Variants in MAPK8IP1 observed in about 807,000 individuals in gnomAD.
MAPK8IP1 encodes the protein mitogen-activated protein kinase 8 interacting protein 1, also known as C-Jun-amino-terminal kinase-interacting protein 1.
MAPK8IP1 carries 17 observed loss-of-function variants against 72.6 expected under a neutral mutation model. That is an observed-to-expected ratio of 0.23 (90% CI 0.16 to 0.35). MAPK8IP1 has a LOEUF of 0.35. MAPK8IP1 is among the 10% of genes least tolerant of loss of function. MAPK8IP1 has a pLI of 1.00. For missense variants in MAPK8IP1, 789 were observed against 1,009.7 expected (o/e 0.78, Z 2.96); for synonymous variants, 401 against 443.4 (o/e 0.90, Z 1.20).
At chr11:45,898,318 T>C (rs911075429) in intron 2 of MAPK8IP1, 128 bp downstream of exon 2, 1 of 667,800 alleles carries the variant, frequency 1.5e-6, no homozygotes, top group African/African-American at 1.8e-5. Flanking sequence ...TGAAATGATG[T>C]GCAAGAAACA....
At chr11:45,894,628 C>A (rs1488887988) in intron 1 of MAPK8IP1, among the ~76,000 whole-genome samples, 1 of 152,172 alleles carries the variant, frequency 6.6e-6, no homozygotes, top group African/African-American at 2.4e-5. Flanking sequence ...AGGCCCTGCT[C>A]CAGCCTGCAG....
rs763491376 is a variant in MAPK8IP1 at position 45,902,671 on chromosome 11, C to A, written c.904C>A (p.Pro302Thr). The A allele has an allele frequency of 1.2e-6, 2 of 1,612,148 alleles. No individual in the cohort carries two copies. Among genetic ancestry groups the A allele is most frequent in the Admixed American group, 1.7e-5 (1 of 60,010 alleles). ...AAEPTSAFLP[P>T]TESRMSVSSD... ...AGAGCCCACCTCCGCCTTCCTGCCG[C>A]CCACTGAGAGCCGGATGTCAGTCAG... is the stretch of plus-strand genomic sequence containing the variant. The change falls in exon 5 of 12, where the codon CCC becomes ACC. Residue 302 changes from proline (P) to threonine (T), a missense_variant. Physicochemically the swap from Pro to Thr is conservative, Grantham distance 38. Around this residue, in one of 4 missense-constraint regions of MAPK8IP1, gnomAD observed 377 missense variants for 411.7 expected, o/e 0.92. Transcript: ENST00000241014. This position sits in a 1 kb window ranked among gnomAD's most constrained non-coding sequence, Gnocchi z 9.3.
In MAPK8IP1 at chr11:45,896,701, G is replaced by A. The variant is rs1037056865; in HGVS notation, c.102-1384G>A. On this transcript the variant is annotated intron_variant, in intron 1 of 11. Coordinates refer to ENST00000241014, the MANE Select transcript of MAPK8IP1 (RefSeq NM_005456.4). ...TCGGCAGCTGCAGCCTCCTCTCCTG[G>A]CCTGTCTATTTTTAATGAGCTCCCC... The A allele has an allele frequency of 4.9e-6, 7 of 1,433,108 alleles. No homozygotes were observed. The African/African-American group carries it at 5.8e-5, about 12-fold the overall frequency. The allele number at this position is 1,433,108 out of a possible 1,614,324, so 88.8% of individuals were successfully genotyped here. A position where few individuals can be genotyped will look rare whatever the true frequency, so the allele number is the denominator to read the frequency against.
At chr11:45,888,342 C>G (rs1386617780) in intron 1 of MAPK8IP1, among the ~76,000 whole-genome samples, 1 of 152,158 alleles carries the variant, frequency 6.6e-6, no homozygotes, top group African/African-American at 2.4e-5. Flanking sequence ...CTAAGAGTTT[C>G]CTATGTGCAA....
chr11:45,886,281 C>T (rs2086526652), intron 1 of MAPK8IP1, among the ~76,000 whole-genome samples: 1 of 152,238 alleles, frequency 6.6e-6, no homozygotes, highest in Non-Finnish European at 1.5e-5. Context: ...GCATCTTAGC[C>T]TGTGAATAGA....
intron 1 of MAPK8IP1, among the ~76,000 whole-genome samples, chr11:45,893,116 C>T (rs2086578958): frequency 6.6e-6 from 1 of 152,184 alleles, no homozygotes; most frequent in Non-Finnish European, 1.5e-5. Flanking sequence ...ACACAAAGGC[C>T]CAAGAATGAC....
intron 1 of MAPK8IP1, among the ~76,000 whole-genome samples, chr11:45,891,136 G>A (rs991015301): frequency 6.6e-6 from 1 of 152,228 alleles, no homozygotes; most frequent in African/African-American, 2.4e-5. Context: ...CCAGCTCGCT[G>A]ATGGCAGAGC....
chr11:45,906,358 A>C lies in MAPK8IP1; in HGVS notation c.*637A>C. 1 of 532,924 alleles carries C rather than the reference A, an allele frequency of 1.9e-6. No homozygotes were observed. Among genetic ancestry groups the C allele is most frequent in the Non-Finnish European group, 3.0e-6 (1 of 333,806 alleles). 33.0% of individuals were successfully genotyped at this position (532,924 alleles called of 1,614,324 possible). A position where few individuals can be genotyped will look rare whatever the true frequency, so the allele number is the denominator to read the frequency against. On this transcript the variant is annotated 3_prime_UTR_variant, in exon 12 of 12. Transcript: ENST00000241014. Reference sequence around the variant, plus strand: ...TCAGGCGGGGAGGAGGAGCTGCCGCAAGGCCCTGTCCCAGCAGAAGAGGGA... The same window carrying C: ...TCAGGCGGGGAGGAGGAGCTGCCGCCAGGCCCTGTCCCAGCAGAAGAGGGA...
Position 45,900,553 on chromosome 11 carries a change from C to A in MAPK8IP1, c.522+101C>A. On this transcript the variant is annotated intron_variant, in intron 3 of 11. Coordinates refer to ENST00000241014, the MANE Select transcript of MAPK8IP1 (RefSeq NM_005456.4). This position sits in a 1 kb window ranked among gnomAD's most constrained non-coding sequence, Gnocchi z 6.5. ...GGAAGGGGCACCCACGGGTCCAGTG[C>A]CTGGGGACAGCGCCTGCATAGGGGC... The A allele has an allele frequency of 7.3e-7, 1 of 1,371,820 alleles. No homozygotes were observed. Among genetic ancestry groups the A allele is most frequent in the Non-Finnish European group, 9.8e-7 (1 of 1,021,286 alleles). 85.0% of individuals were successfully genotyped at this position (1,371,820 alleles called of 1,614,324 possible).
In MAPK8IP1 at chr11:45,906,006, C is replaced by T. The variant is rs1458969695; in HGVS notation, c.*285C>T. The T allele has an allele frequency of 1.3e-5, 7 of 559,030 alleles. No homozygotes were observed. Among genetic ancestry groups the T allele is most frequent in the Admixed American group, 6.1e-5 (2 of 32,550 alleles). 34.6% of individuals were successfully genotyped at this position (559,030 alleles called of 1,614,324 possible). ...CAGGTCTCTGGCAGAGAAGGATGTC[C>T]GTTCCAGGAGCACACGGCCCTGCCC... On this transcript the variant is annotated 3_prime_UTR_variant, in exon 12 of 12. Transcript: ENST00000241014.
chr11:45,890,600 A>G (rs563757207), intron 1 of MAPK8IP1, among the ~76,000 whole-genome samples: 1 of 152,150 alleles, frequency 6.6e-6, no homozygotes, highest in South Asian at 2.1e-4. Flanking sequence ...GGTGTGAGGA[A>G]GAGTTAGGGG....
At chr11:45,894,135 C>T (rs1426451334) in intron 1 of MAPK8IP1, among the ~76,000 whole-genome samples, 9 of 152,140 alleles carry the variant, frequency 5.9e-5, no homozygotes, top group African/African-American at 2.2e-4. Flanking sequence ...AAGCATAAGG[C>T]ACCTTTATGT....
intron 3 of MAPK8IP1, 57 bp from the exon 4 acceptor site, chr11:45,901,923 C>A (rs376117159): frequency 1.2e-5 from 16 of 1,386,528 alleles, no homozygotes; most frequent in Non-Finnish European, 1.4e-5. Flanking sequence ...CCGGGGCCTC[C>A]CTGTGCCGGG....
At chr11:45,896,626 G>T (rs2086607732) in intron 1 of MAPK8IP1, 10 of 1,359,670 alleles carry the variant, frequency 7.4e-6, no homozygotes, top group Non-Finnish European at 9.5e-6. Flanking sequence ...CGGGAGGAAG[G>T]TGCCTGCAGC....
rs768339614 is a variant in MAPK8IP1 at position 45,902,956 on chromosome 11, C to A, written c.1189C>A (p.Arg397=). ...TGCACAGCTGGAGCTGGTGAGCCTG[C>A]GGCCGTGCTTCGGAGACTACAGTGA... ...EHAQLELVSL[R]PCFGDYSDES... is the part of the protein sequence containing the mutation. Residue 397 remains arginine, a synonymous_variant, in exon 5 of 12, where the codon CGG becomes AGG. Transcript: ENST00000241014. The surrounding 1 kb of genome is among the most constrained non-coding windows in gnomAD (Gnocchi z 9.3). 3.7e-6 allele frequency: 6 copies of A among 1,611,890 alleles called. No individual in the cohort carries two copies. The South Asian group carries it at 6.6e-5, about 18-fold the overall frequency.
intron 1 of MAPK8IP1, chr11:45,896,704 T>C (rs1268008608): frequency 3.5e-6 from 5 of 1,432,302 alleles, no homozygotes; most frequent in Non-Finnish European, 4.6e-6. Flanking sequence ...TCTCCTGGCC[T>C]GTCTATTTTT....
rs1253988262 is a variant in MAPK8IP1, at chr11:45,900,490, C to T, written c.522+38C>T. On this transcript the variant is annotated intron_variant, in intron 3 of 11. Transcript: ENST00000241014. This position sits in a 1 kb window ranked among gnomAD's most constrained non-coding sequence, Gnocchi z 6.5. The stretch of plus-strand genomic sequence containing the variant: ...CGTGGGGGGCGGCGCCCTGGGCCGC[C>T]GCGGAGATGTGAGGGGGAGCGCAGA... The T allele has an allele frequency of 2.6e-6, 4 of 1,528,902 alleles. No individual in the cohort carries two copies. Among genetic ancestry groups the T allele is most frequent in the Non-Finnish European group, 1.7e-6 (2 of 1,143,858 alleles). 94.7% of individuals were successfully genotyped at this position (1,528,902 alleles called of 1,614,324 possible).
At position 45,906,376 on chromosome 11, in the gene MAPK8IP1, A is replaced by C. The variant is rs1065287; in HGVS notation, c.*655A>C. 4.8e-6 allele frequency: 3 copies of C among 631,000 alleles called. No individual in the cohort carries two copies. Among genetic ancestry groups the C allele is most frequent in the Non-Finnish European group, 4.8e-6 (2 of 413,192 alleles). 39.1% of individuals were successfully genotyped at this position (631,000 alleles called of 1,614,324 possible). ...CTGCCGCAAGGCCCTGTCCCAGCAG[A>C]AGAGGGAGGCTTCCTGACTGACACA... On this transcript the variant is annotated 3_prime_UTR_variant, in exon 12 of 12. Transcript: ENST00000241014.
At chr11:45,897,415 G>A (rs534895695) in intron 1 of MAPK8IP1, among the ~76,000 whole-genome samples, 2 of 152,308 alleles carry the variant, frequency 1.3e-5, no homozygotes, top group African/African-American at 4.8e-5. Context: ...CCCACCTGGG[G>A]CTTCTCCTGA....
Sources: allele counts gnomAD v4.1 joint callset (sites outside exome capture counted in the v4.1 genomes callset), GRCh38; gene constraint gnomAD v4.1.1; regional missense constraint gnomAD v4.1.1; non-coding constraint Gnocchi (gnomAD v3.1); transcripts MANE v1.5; gene names NCBI Gene and HGNC (gene_info 2026-07-23, HGNC 2026-07-21).